The following MEI1 variants were observed in gnomAD, a reference collection of about 807,000 sequenced individuals.
MEI1 encodes the protein meiotic double-stranded break formation protein 1, also known as meiosis inhibitor protein 1.
MEI1 carries 103 observed loss-of-function variants against 146.2 expected under a neutral mutation model. The observed-to-expected ratio is 0.70, with a 90% CI of 0.60 to 0.83. The LOEUF (loss-of-function observed/expected upper bound fraction) is 0.83. Ranked by LOEUF, MEI1 falls within the 40% of genes least tolerant of loss-of-function variation. MEI1 has a pLI of 0.00. For synonymous variants in MEI1, 652 were observed against 628.2 expected (o/e 1.04, Z -0.57); for missense variants, 1,529 against 1,533.0 (o/e 1.00, Z 0.04).
At chr22:41,728,962 G>A (rs1300255551) in intron 7 of MEI1, among the ~76,000 whole-genome samples, 1 of 151,780 alleles carries the variant, frequency 6.6e-6, no homozygotes, top group African/African-American at 2.4e-5. Flanking sequence ...TCAGGAGTTC[G>A]AGACCAGCCT....
At chr22:41,735,219 C>A (rs1260486229) in intron 11 of MEI1, among the ~76,000 whole-genome samples, 2 of 148,030 alleles carry the variant, frequency 1.4e-5, no homozygotes, top group Non-Finnish European at 3.0e-5. Context: ...GCTTCGGCCT[C>A]CCAAAGTGTT....
Position 41,794,448 on chromosome 22 carries a change from A to G in MEI1, c.3505A>G (p.Arg1169Gly), listed in dbSNP as rs373009882. Reference sequence around the variant, plus strand: ...GGATGCTGGAGAGAATTCCTTCCTCAGACCTGAGATTTTGAGGCTCATGAC... The same window carrying G: ...GGATGCTGGAGAGAATTCCTTCCTCGGACCTGAGATTTTGAGGCTCATGAC... ...LLDAGENSFL[R>G]PEILRLMTLF... Residue 1169 changes from arginine to glycine, a missense_variant, in exon 28 of 31, where the codon AGA becomes GGA. By Grantham distance (125) the Arg-to-Gly change is moderately radical. This residue lies in a region of MEI1 where 313 missense variants were observed against 337.3 expected (regional missense o/e 0.93). Coordinates refer to ENST00000401548, the MANE Select transcript of MEI1 (RefSeq NM_152513.4). 21 of 1,613,872 alleles carry G rather than the reference A, an allele frequency of 1.3e-5. No homozygotes were observed. In the Middle Eastern group the frequency reaches 8.2e-4, roughly 63 times the overall value.
chr22:41,744,862 TG>T, intron 12 of MEI1, 110 bp from the exon 13 acceptor site: 1 of 494,724 alleles, frequency 2.0e-6, no homozygotes, highest in Non-Finnish European at 3.4e-6. Context: ...GTTAGGTGTA[TG>T]GGAATGTCAG....
intron 14 of MEI1, chr22:41,747,230 C>A (rs1003086450): frequency 6.7e-6 from 1 of 149,552 alleles, no homozygotes; most frequent in Admixed American, 6.6e-5. Context: ...GAACTAGAAC[C>A]CTGTTTCTTT....
chr22:41,699,723 A>C lies in MEI1; in HGVS notation c.174+11A>C. ...GACCCCGGCGTGTCGGTGCGGGCGG[A>C]ACCTTTTCTTCAGAAGACCTGGGTT... is the stretch of plus-strand genomic sequence containing the variant. On this transcript the variant is annotated intron_variant, in intron 1 of 30. Transcript: ENST00000401548. The C allele has an allele frequency of 6.5e-7, 1 of 1,549,578 alleles. No individual in the cohort carries two copies. The highest frequency in any genetic ancestry group is 8.7e-7 in the Non-Finnish European group (1 of 1,149,108).
chr22:41,733,063 G>A (rs2072007769), intron 11 of MEI1, among the ~76,000 whole-genome samples: 1 of 152,070 alleles, frequency 6.6e-6, no homozygotes, highest in African/African-American at 2.4e-5. Flanking sequence ...TTACAGGCGT[G>A]AGCCACCGCA....
intron 3 of MEI1, among the ~76,000 whole-genome samples, chr22:41,707,028 CAA>C (rs59421678): frequency 3.1e-5 from 4 of 130,882 alleles, no homozygotes; most frequent in Admixed American, 8.3e-5. Flanking sequence ...CCATCTCTAC[CAA>C]AAAAAAAAAA....
chr22:41,729,796 A>C lies in MEI1; in HGVS notation c.979+17A>C. 1 of 1,542,800 alleles carries C rather than the reference A, an allele frequency of 6.5e-7. No individual in the cohort carries two copies. The highest frequency in any genetic ancestry group is 1.2e-5 in the South Asian group (1 of 84,652). On this transcript the variant is annotated intron_variant, in intron 8 of 30. Transcript: ENST00000401548. ...ACATCCCAGGTAGGGGAACACTTCTAACCTTCTCCTCCCTATACTAGAAGG... is the reference window on the plus strand; with the variant it reads ...ACATCCCAGGTAGGGGAACACTTCTCACCTTCTCCTCCCTATACTAGAAGG...
chr22:41,759,836 A>G (rs1288008871), intron 18 of MEI1, among the ~76,000 whole-genome samples: 1 of 151,880 alleles, frequency 6.6e-6, no homozygotes, highest in Non-Finnish European at 1.5e-5. Context: ...CCATCTCAAA[A>G]AGGATATAAA....
chr22:41,775,382 CA>C (rs1221409404), intron 20 of MEI1, among the ~76,000 whole-genome samples: 2 of 152,126 alleles, frequency 1.3e-5, no homozygotes, highest in Non-Finnish European at 2.9e-5. Context: ...AAGGCACACT[CA>C]GGTTCCCTGT....
Position 41,718,054 on chromosome 22 carries a change from G to A in MEI1, c.530-17G>A, listed in dbSNP as rs757781965. The A allele has an allele frequency of 6.3e-7, 1 of 1,582,456 alleles. No individual in the cohort carries two copies. The highest frequency in any genetic ancestry group is 1.4e-5 in the African/African-American group (1 of 73,776). ...ATTGTGAAATTTCCCTTGGCTCCTT[G>A]GTTGTTTTCTGGACAGGCAACCTGA... is the stretch of plus-strand genomic sequence containing the variant. On this transcript the variant is annotated splice_polypyrimidine_tract_variant and intron_variant, in intron 5 of 30. Coordinates refer to ENST00000401548, the MANE Select transcript of MEI1 (RefSeq NM_152513.4).
intron 19 of MEI1, among the ~76,000 whole-genome samples, chr22:41,768,195 A>G (rs1167936647): frequency 6.6e-6 from 1 of 152,174 alleles, no homozygotes; most frequent in Non-Finnish European, 1.5e-5. Context: ...CAGCCTGGGC[A>G]ACATGGTGAA....
At chr22:41,723,865 A>C in intron 6 of MEI1, 78 bp from the exon 7 acceptor site, 2 of 1,484,050 alleles carry the variant, frequency 1.3e-6, no homozygotes, top group Non-Finnish European at 1.8e-6. Flanking sequence ...TTCTCTGGGG[A>C]TGTCTGAGGG....
intron 18 of MEI1, among the ~76,000 whole-genome samples, chr22:41,762,153 C>T (rs2147963035): frequency 6.6e-6 from 1 of 150,956 alleles, no homozygotes; most frequent in East Asian, 2.0e-4. Context: ...ATTCTCAATC[C>T]TCTCACCTTG....
chr22:41,792,253 C>A (rs2076205840), intron 26 of MEI1, among the ~76,000 whole-genome samples: 1 of 152,172 alleles, frequency 6.6e-6, no homozygotes. Context: ...TGGGCCAAAG[C>A]AGCCTGGTGG....
chr22:41,701,996 A>G (rs1157445261), intron 1 of MEI1, among the ~76,000 whole-genome samples: 1 of 152,224 alleles, frequency 6.6e-6, no homozygotes, highest in Non-Finnish European at 1.5e-5. Flanking sequence ...AATCTGTCAG[A>G]TGAAGGAGAG....
In MEI1 at chr22:41,732,614, C is replaced by T. The variant is rs1463507602; in HGVS notation, c.1331+11C>T. The T allele has an allele frequency of 1.9e-6, 3 of 1,610,750 alleles. No homozygotes were observed. The highest frequency in any genetic ancestry group is 2.2e-5 in the East Asian group (1 of 44,830). Reference sequence around the variant, plus strand: ...TTCTGCTTTTCTGAGGTGAGAGACCCAGGCAGGCTGAACTTTCCATCCCTG... The same window carrying T: ...TTCTGCTTTTCTGAGGTGAGAGACCTAGGCAGGCTGAACTTTCCATCCCTG... On this transcript the variant is annotated intron_variant, in intron 11 of 30. Coordinates refer to ENST00000401548, the MANE Select transcript of MEI1 (RefSeq NM_152513.4).
Position 41,770,921 on chromosome 22 carries a change from A to G in MEI1, c.2504A>G (p.Gln835Arg). Residue 835 changes from glutamine (Q) to arginine (R), a missense_variant, in exon 20 of 31, where the codon CAG (glutamine) becomes CGG (arginine). By Grantham distance (43) the Gln-to-Arg change is conservative. Around this residue, in one of 3 missense-constraint regions of MEI1, gnomAD observed 1,212 missense variants for 1,178.9 expected, o/e 1.03. Coordinates refer to ENST00000401548, the MANE Select transcript of MEI1 (RefSeq NM_152513.4). ...CCTGCCAGCTTAGTAGTCCTGTTCC[A>G]GTTGCTCAGAAGCATCCCCAGCATC... ...ALPASLVVLF[Q>R]LLRSIPSILL... is the part of the protein sequence containing the mutation. 1 of 1,614,038 alleles carries G rather than the reference A, an allele frequency of 6.2e-7. No homozygotes were observed. Among genetic ancestry groups the G allele is most frequent in the Non-Finnish European group, 8.5e-7 (1 of 1,179,898 alleles).
At chr22:41,799,178 T>C (rs2076488486) in intron 30 of MEI1, 76 bp from the exon 31 acceptor site, 1 of 1,408,602 alleles carries the variant, frequency 7.1e-7, no homozygotes, top group Non-Finnish European at 1.0e-6. Context: ...TCTTGACTGT[T>C]TTGGGCTCTG....
Sources: allele counts gnomAD v4.1 joint callset (sites outside exome capture counted in the v4.1 genomes callset), GRCh38; gene constraint gnomAD v4.1.1; regional missense constraint gnomAD v4.1.1; transcripts MANE v1.5; gene names NCBI Gene and HGNC (gene_info 2026-07-23, HGNC 2026-07-21).